ADCK1: variants seen among roughly 807,000 people sequenced by gnomAD.
ADCK1 encodes aarF domain containing kinase 1.
In ADCK1, 41 loss-of-function variants were observed where a neutral mutation model predicts 52.3. The observed-to-expected ratio is 0.78, with a 90% confidence interval of 0.61 to 1.02. The LOEUF (loss-of-function observed/expected upper bound fraction) is 1.02, where lower values mean the gene tolerates loss of function less well. Among genes scored for constraint, ADCK1 ranks in the 50% least tolerant of loss-of-function variants. The pLI is 0.00. For missense variants in ADCK1, 658 were observed against 679.5 expected (o/e 0.97, Z 0.35); for synonymous variants, 250 against 274.6 (o/e 0.91, Z 0.89).
At chr14:77,860,224 C>T (rs1307958298) in intron 4 of ADCK1, among the ~76,000 whole-genome samples, 1 of 152,214 alleles carries the variant, frequency 6.6e-6, no homozygotes, top group Non-Finnish European at 1.5e-5. Context: ...AAGGATTTCC[C>T]TGCAAGTCAT....
At chr14:77,816,282 G>T (rs1200921935) in intron 1 of ADCK1, among the ~76,000 whole-genome samples, 1 of 152,170 alleles carries the variant, frequency 6.6e-6, no homozygotes, top group Non-Finnish European at 1.5e-5. Context: ...TGCTGTTCTT[G>T]GTTCATAACT....
rs12587922 is a variant in ADCK1, at chr14:77,890,164, G to A, written c.582+2915G>A. Among the ~76,000 whole-genome samples the A allele has an allele frequency of 9.2e-5, 14 of 152,334 alleles. No individual in the cohort carries two copies. In the East Asian group the frequency reaches 1.5e-3, roughly 17 times the overall value. On this transcript the variant is annotated intron_variant, in intron 5 of 10. Coordinates refer to ENST00000238561, the MANE Select transcript of ADCK1 (RefSeq NM_020421.4). ...AGTCATGTGTTTTGCTCATGAATTC[G>A]CAGTTTGGCCGGGGCTTGGTAGAGA...
chr14:77,915,544 A>G (rs1366261149), intron 7 of ADCK1, among the ~76,000 whole-genome samples: 1 of 152,172 alleles, frequency 6.6e-6, no homozygotes, highest in African/African-American at 2.4e-5. Context: ...GATTAAGAAA[A>G]TGTGGCACAT....
chr14:77,913,860 G>A (rs1402035458), intron 7 of ADCK1, among the ~76,000 whole-genome samples: 1 of 152,132 alleles, frequency 6.6e-6, no homozygotes, highest in Non-Finnish European at 1.5e-5. Flanking sequence ...GGATCCAGGA[G>A]GCGAGAGTGC....
At chr14:77,846,419 G>A (rs1163448833) in intron 3 of ADCK1, among the ~76,000 whole-genome samples, 1 of 152,190 alleles carries the variant, frequency 6.6e-6, no homozygotes, top group African/African-American at 2.4e-5. Context: ...GAAGCCTTGA[G>A]AAGCAGTCGG....
chr14:77,826,862 C>T (rs560388126), intron 3 of ADCK1, among the ~76,000 whole-genome samples: 43 of 152,232 alleles, frequency 2.8e-4, no homozygotes, highest in African/African-American at 9.1e-4. Flanking sequence ...TCTATTCTGC[C>T]GGCCCTGGAG....
intron 1 of ADCK1, among the ~76,000 whole-genome samples, chr14:77,818,192 G>C (rs2081504089): frequency 6.6e-6 from 1 of 152,126 alleles, no homozygotes; most frequent in Non-Finnish European, 1.5e-5. Flanking sequence ...TATGTGCATT[G>C]TGGTATCATG....
At chr14:77,873,281 A>T (rs1174293528) in intron 4 of ADCK1, among the ~76,000 whole-genome samples, 1 of 152,244 alleles carries the variant, frequency 6.6e-6, no homozygotes, top group Admixed American at 6.5e-5. Context: ...TATGCTGATT[A>T]TGAATAGGCC....
chr14:77,872,425 C>T (rs772100548), intron 4 of ADCK1, among the ~76,000 whole-genome samples: 15 of 152,152 alleles, frequency 9.9e-5, no homozygotes, highest in Non-Finnish European at 1.8e-4. Flanking sequence ...TCTTGCCTTC[C>T]GCTCCGGGCT....
At chr14:77,809,206 A>T (rs10142722) in intron 1 of ADCK1, among the ~76,000 whole-genome samples, 128,662 of 152,164 alleles carry the variant, frequency 0.85, 54,511 homozygotes, top group African/African-American at 0.89. Context: ...AGGATGACCA[A>T]GATAACTTGA....
chr14:77,852,683 A>ATATATATTATATATATATATATAT (rs1566667364), intron 3 of ADCK1, among the ~76,000 whole-genome samples: 2 of 84,026 alleles, frequency 2.4e-5, no homozygotes, highest in Non-Finnish European at 4.7e-5. Context: ...ATATATATAT[A>ATATATATTATATATATATATATAT]TATATATATA....
intron 6 of ADCK1, among the ~76,000 whole-genome samples, chr14:77,903,577 G>C (rs976019855): frequency 3.3e-5 from 5 of 152,214 alleles, no homozygotes; most frequent in African/African-American, 1.2e-4. Context: ...TATGTGCCAG[G>C]GGATGGAAAC....
chr14:77,859,207 A>G lies in ADCK1; in HGVS notation c.351A>G (p.Val117=). The part of the protein sequence containing the change: ...LPEEYTSTLK[V]LHSQAPQSSM... ...AGGAGTACACCAGCACGCTGAAGGTACTGCACAGCCAGGCTCCACAGAGCA... is the reference window on the plus strand; with the variant it reads ...AGGAGTACACCAGCACGCTGAAGGTGCTGCACAGCCAGGCTCCACAGAGCA... Residue 117 remains valine (V), a synonymous_variant, in exon 4 of 11, where the codon GTA becomes GTG. Coordinates refer to ENST00000238561, the MANE Select transcript of ADCK1 (RefSeq NM_020421.4). 2 of 1,614,088 alleles carry G rather than the reference A, an allele frequency of 1.2e-6. No individual in the cohort carries two copies. Among genetic ancestry groups the G allele is most frequent in the Non-Finnish European group, 1.7e-6 (2 of 1,180,002 alleles).
intron 1 of ADCK1, among the ~76,000 whole-genome samples, chr14:77,816,989 C>T (rs2081468831): frequency 6.6e-6 from 1 of 151,342 alleles, no homozygotes; most frequent in African/African-American, 2.4e-5. Context: ...CACCTGTAAT[C>T]CCAGCACTTT....
intron 4 of ADCK1, among the ~76,000 whole-genome samples, chr14:77,884,467 G>A (rs1566699604): frequency 6.6e-6 from 1 of 152,200 alleles, no homozygotes; most frequent in African/African-American, 2.4e-5. Context: ...GTCTTGTGTG[G>A]GGCCTGGGCA....
At chr14:77,929,565 A>T (rs141857502) in intron 9 of ADCK1, among the ~76,000 whole-genome samples, 4,239 of 152,328 alleles carry the variant, frequency 0.028, 78 homozygotes, top group African/African-American at 0.045. Context: ...AGGGGCTGAG[A>T]GCTCAGAGCT....
chr14:77,933,197 C>CT, intron 10 of ADCK1, 23 bp from the exon 11 acceptor site: 1 of 1,608,648 alleles, frequency 6.2e-7, no homozygotes, highest in Non-Finnish European at 8.5e-7. Context: ...CTCTTTTCTC[C>CT]TTTTTTCTTT....
chr14:77,864,635 A>ATGTG (rs3082711), intron 4 of ADCK1, among the ~76,000 whole-genome samples: 54,783 of 150,350 alleles, frequency 0.36, 10,563 homozygotes, highest in Admixed American at 0.49. Context: ...TAGGATATGA[A>ATGTG]TGTGTGTGTG....
rs1566715946 is a variant in ADCK1, at chr14:77,899,268, A to T, written c.741+10A>T. The T allele has an allele frequency of 5.0e-6, 8 of 1,613,984 alleles. No homozygotes were observed. In the East Asian group the frequency reaches 6.7e-5, roughly 13 times the overall value. Reference sequence around the variant, plus strand: ...TTTTGACTTCTTGAAGGTAGGTGGGACGATGCAATGCAGGGTATGGTGGTC... The same window carrying T: ...TTTTGACTTCTTGAAGGTAGGTGGGTCGATGCAATGCAGGGTATGGTGGTC... On this transcript the variant is annotated intron_variant, in intron 6 of 10. Coordinates refer to ENST00000238561, the MANE Select transcript of ADCK1 (RefSeq NM_020421.4).
Sources: allele counts gnomAD v4.1 joint callset (sites outside exome capture counted in the v4.1 genomes callset), GRCh38; gene constraint gnomAD v4.1.1; transcripts MANE v1.5; gene names NCBI Gene and HGNC (gene_info 2026-07-23, HGNC 2026-07-21).